Variants in SEZ6L observed in about 807,000 individuals in gnomAD.
SEZ6L encodes seizure related 6 homolog like, also known as seizure 6-like protein.
Under a neutral mutation model 106.2 loss-of-function variants are expected in SEZ6L, and 37 were observed. The ratio of observed to expected loss-of-function variants is 0.35; its 90% CI spans 0.27 to 0.46. The LOEUF (loss-of-function observed/expected upper bound fraction) is 0.46, where lower values mean the gene tolerates loss of function less well. Among genes scored for constraint, SEZ6L ranks in the 20% least tolerant of loss-of-function variants. The pLI is 1.00. For missense variants in SEZ6L, 1,172 were observed against 1,332.8 expected (o/e 0.88, Z 1.88); for synonymous variants, 541 against 570.4 (o/e 0.95, Z 0.73).
chr22:26,314,779 A>G (rs913944015), intron 9 of SEZ6L, among the ~76,000 whole-genome samples: 7 of 152,274 alleles, frequency 4.6e-5, no homozygotes, highest in Admixed American at 1.3e-4. Context: ...AAGCATTTCT[A>G]TCTTAGGTAA....
intron 12 of SEZ6L, among the ~76,000 whole-genome samples, chr22:26,357,964 G>A (rs891481346): frequency 5.3e-5 from 8 of 152,100 alleles, no homozygotes; most frequent in South Asian, 4.1e-4. Context: ...GCGATTCCCC[G>A]GGAGGCCCTG....
At chr22:26,358,207 C>A (rs776857849) in intron 12 of SEZ6L, among the ~76,000 whole-genome samples, 2 of 152,184 alleles carry the variant, frequency 1.3e-5, no homozygotes, top group Non-Finnish European at 2.9e-5. Context: ...TCCATGATAA[C>A]CCTAGGGGAT....
At chr22:26,249,072 T>C (rs962433966) in intron 1 of SEZ6L, among the ~76,000 whole-genome samples, 2 of 152,244 alleles carry the variant, frequency 1.3e-5, no homozygotes, top group Admixed American at 6.5e-5. Flanking sequence ...CTTATGTATT[T>C]ATGGGCTACA....
intron 12 of SEZ6L, among the ~76,000 whole-genome samples, chr22:26,353,951 G>A (rs1262091492): frequency 6.6e-6 from 1 of 151,662 alleles, no homozygotes; most frequent in East Asian, 1.9e-4. Flanking sequence ...CTAACCCACA[G>A]TATCTGTAAC....
At chr22:26,351,539 T>TCG (rs10634006) in intron 12 of SEZ6L, 4 of 249,620 alleles carry the variant, frequency 1.6e-5, no homozygotes, top group South Asian at 7.8e-5. Flanking sequence ...GTTTGTTTGT[T>TCG]TGTTTGTTGG....
At chr22:26,377,957 A>G (rs1418163113) in intron 16 of SEZ6L, among the ~76,000 whole-genome samples, 182 bp downstream of exon 16, 1 of 152,074 alleles carries the variant, frequency 6.6e-6, no homozygotes, top group Non-Finnish European at 1.5e-5. Context: ...TTTGCAGGTG[A>G]TTGGTGCTGA....
intron 1 of SEZ6L, among the ~76,000 whole-genome samples, chr22:26,170,184 C>T (rs779877909): frequency 1.3e-5 from 2 of 151,990 alleles, no homozygotes; most frequent in Non-Finnish European, 2.9e-5. Context: ...CTGACCCACC[C>T]TGCAACTGAG....
chr22:26,223,088 G>A (rs1475668266), intron 1 of SEZ6L, among the ~76,000 whole-genome samples: 4 of 152,010 alleles, frequency 2.6e-5, no homozygotes, highest in African/African-American at 4.8e-5. Context: ...TGACATCTTT[G>A]TGGCCACCTC....
At chr22:26,208,330 T>C (rs1941394012) in intron 1 of SEZ6L, among the ~76,000 whole-genome samples, 1 of 152,238 alleles carries the variant, frequency 6.6e-6, no homozygotes, top group Non-Finnish European at 1.5e-5. Context: ...TAATTTCTAT[T>C]TGGTGTCATT....
intron 6 of SEZ6L, among the ~76,000 whole-genome samples, chr22:26,309,727 C>T (rs568336900): frequency 1.2e-4 from 19 of 152,204 alleles, no homozygotes; most frequent in African/African-American, 2.2e-4. Flanking sequence ...TATAGGCACG[C>T]GCCACCATAT....
intron 1 of SEZ6L, among the ~76,000 whole-genome samples, chr22:26,233,549 C>T (rs1046015738): frequency 6.6e-6 from 1 of 152,204 alleles, no homozygotes. Context: ...AGCTGAGGCT[C>T]GAAGTCGAGC....
chr22:26,322,612 T>C (rs769473224), intron 9 of SEZ6L, among the ~76,000 whole-genome samples: 1 of 152,126 alleles, frequency 6.6e-6, no homozygotes, highest in Admixed American at 6.5e-5. Flanking sequence ...GGGAGAAAAG[T>C]GTCGTGAGCA....
chr22:26,290,548 T>G (rs542750612), intron 1 of SEZ6L, among the ~76,000 whole-genome samples: 93 of 151,798 alleles, frequency 6.1e-4, no homozygotes, highest in Non-Finnish European at 7.4e-4. Context: ...ATAAATAAAA[T>G]AAAATAAAAT....
chr22:26,240,016 T>C (rs1247373046), intron 1 of SEZ6L, among the ~76,000 whole-genome samples: 1 of 151,262 alleles, frequency 6.6e-6, no homozygotes, highest in Non-Finnish European at 1.5e-5. Flanking sequence ...GCTGCAAATA[T>C]CAATTTGCAG....
chr22:26,232,690 T>C (rs1422165910), intron 1 of SEZ6L, among the ~76,000 whole-genome samples: 1 of 152,222 alleles, frequency 6.6e-6, no homozygotes, highest in East Asian at 1.9e-4. Context: ...CCATCCAGCG[T>C]AGGTGTGTAG....
intron 1 of SEZ6L, among the ~76,000 whole-genome samples, chr22:26,287,955 C>T (rs2080990493): frequency 6.6e-6 from 1 of 152,222 alleles, no homozygotes; most frequent in South Asian, 2.1e-4. Flanking sequence ...ACTCTGAACC[C>T]AGCTGGGTTT....
At chr22:26,298,796 AG>A (rs2081370423) in intron 4 of SEZ6L, among the ~76,000 whole-genome samples, 187 bp from the exon 5 acceptor site, 1 of 152,150 alleles carries the variant, frequency 6.6e-6, no homozygotes, top group Non-Finnish European at 1.5e-5. Context: ...GTCCCAAGAA[AG>A]TGCTAACCTG....
intron 6 of SEZ6L, among the ~76,000 whole-genome samples, chr22:26,307,443 A>G (rs1207184210): frequency 6.6e-6 from 1 of 151,882 alleles, no homozygotes; most frequent in Non-Finnish European, 1.5e-5. Context: ...TGATGGATCA[A>G]ACCTAGACTA....
chr22:26,317,535 A>G (rs2082039637), intron 9 of SEZ6L, among the ~76,000 whole-genome samples: 1 of 151,862 alleles, frequency 6.6e-6, no homozygotes, highest in African/African-American at 2.4e-5. Flanking sequence ...GAAACAAGAA[A>G]ATGGGAATCT....
Sources: gnomAD v4.1 joint callset for allele counts (sites outside exome capture counted in the v4.1 genomes callset) on GRCh38, gnomAD v4.1.1 for gene constraint, MANE v1.5 for transcripts, NCBI Gene and HGNC (gene_info 2026-07-23, HGNC 2026-07-21) for gene names.